LUZP2: variants seen among roughly 807,000 people sequenced by gnomAD.
LUZP2 encodes the protein leucine zipper protein 2.
LUZP2 carries 52 observed loss-of-function variants against 51.6 expected under a neutral mutation model. The ratio of observed to expected loss-of-function variants is 1.01; its 90% CI spans 0.81 to 1.27. The LOEUF is 1.27. LUZP2 is among the 50% of genes most tolerant of loss of function. The pLI is 0.00. For missense variants in LUZP2, 436 were observed against 395.4 expected (o/e 1.10, Z -0.87); for synonymous variants, 154 against 137.3 (o/e 1.12, Z -0.85).
chr11:24,510,292 C>A (rs1850271061), intron 1 of LUZP2, among the ~76,000 whole-genome samples: 1 of 152,146 alleles, frequency 6.6e-6, no homozygotes, highest in Non-Finnish European at 1.5e-5. Context: ...GAAGATGAAG[C>A]CACAGGTACC....
chr11:24,921,892 A>G (rs1454094987), intron 7 of LUZP2, among the ~76,000 whole-genome samples: 1 of 152,046 alleles, frequency 6.6e-6, no homozygotes, highest in Non-Finnish European at 1.5e-5. Flanking sequence ...GTGTCACTTC[A>G]TTTGACCCTC....
chr11:25,074,987 C>A (rs576137776), intron 10 of LUZP2, among the ~76,000 whole-genome samples: 28 of 152,288 alleles, frequency 1.8e-4, no homozygotes, highest in Non-Finnish European at 1.8e-4. Flanking sequence ...CTACACTATG[C>A]AAATTACTTT....
At chr11:24,603,094 G>T (rs548500374) in intron 1 of LUZP2, among the ~76,000 whole-genome samples, 1 of 151,768 alleles carries the variant, frequency 6.6e-6, no homozygotes, top group South Asian at 2.1e-4. Flanking sequence ...GCACATTCAG[G>T]TCCCAACAGT....
intron 10 of LUZP2, among the ~76,000 whole-genome samples, chr11:25,067,483 G>C (rs1859030821): frequency 6.6e-6 from 1 of 151,856 alleles, no homozygotes; most frequent in African/African-American, 2.4e-5. Flanking sequence ...GTATGGCCTT[G>C]GTTTTCTTCT....
chr11:24,913,979 T>A (rs1157321091), intron 6 of LUZP2, among the ~76,000 whole-genome samples: 2 of 152,160 alleles, frequency 1.3e-5, no homozygotes, highest in Non-Finnish European at 2.9e-5. Flanking sequence ...TGTATTGCTC[T>A]AAAATGCAAA....
intron 1 of LUZP2, among the ~76,000 whole-genome samples, chr11:24,649,716 G>T (rs1855567537): frequency 6.6e-6 from 1 of 151,778 alleles, no homozygotes; most frequent in Admixed American, 6.6e-5. Context: ...GCCAGGTGGT[G>T]GGACTGCAAT....
chr11:24,533,835 A>G (rs1218420274), intron 1 of LUZP2, among the ~76,000 whole-genome samples: 1 of 151,154 alleles, frequency 6.6e-6, no homozygotes, highest in African/African-American at 2.4e-5. Flanking sequence ...TTCTCTGCTG[A>G]ATATTAGGGT....
At chr11:24,528,101 A>G (rs1232377206) in intron 1 of LUZP2, among the ~76,000 whole-genome samples, 1 of 151,252 alleles carries the variant, frequency 6.6e-6, no homozygotes, top group Non-Finnish European at 1.5e-5. Flanking sequence ...GATGAAGCAT[A>G]AGAGTTCCCT....
chr11:24,548,353 T>C (rs1851623284), intron 1 of LUZP2, among the ~76,000 whole-genome samples: 1 of 152,092 alleles, frequency 6.6e-6, no homozygotes, highest in Non-Finnish European at 1.5e-5. Context: ...ATATATACCA[T>C]GGAATACTAT....
intron 5 of LUZP2, among the ~76,000 whole-genome samples, chr11:24,889,195 T>C (rs902947762): frequency 6.6e-6 from 1 of 152,188 alleles, no homozygotes; most frequent in African/African-American, 2.4e-5. Flanking sequence ...TTGAATGTTC[T>C]TCCTTGCTGT....
intron 1 of LUZP2, among the ~76,000 whole-genome samples, chr11:24,720,294 A>G (rs991440923): frequency 5.3e-5 from 8 of 152,196 alleles, no homozygotes; most frequent in African/African-American, 1.9e-4. Context: ...CAAAACTTAG[A>G]TACCAAGCTT....
At chr11:24,738,713 C>T (rs1346239024) in intron 4 of LUZP2, among the ~76,000 whole-genome samples, 3 of 151,992 alleles carry the variant, frequency 2.0e-5, no homozygotes, top group African/African-American at 4.8e-5. Context: ...CTATTTAATC[C>T]ATCCCACGGG....
intron 9 of LUZP2, among the ~76,000 whole-genome samples, chr11:25,040,008 G>T (rs1456770502): frequency 6.6e-6 from 1 of 152,010 alleles, no homozygotes; most frequent in Non-Finnish European, 1.5e-5. Context: ...AGGATCATGG[G>T]TGGACCACCC....
chr11:24,825,213 T>A (rs559004068), intron 5 of LUZP2, among the ~76,000 whole-genome samples: 27 of 152,204 alleles, frequency 1.8e-4, no homozygotes, highest in Non-Finnish European at 3.8e-4. Flanking sequence ...TTCCATGAAC[T>A]GTCTGTTAAA....
Position 25,044,289 on chromosome 11 carries a change from A to G in LUZP2, c.766-5749A>G, listed in dbSNP as rs1858220380. 2.2e-5 allele frequency among the ~76,000 whole-genome samples: 3 copies of G among 136,322 alleles called. No homozygotes were observed. In the South Asian group the frequency reaches 6.7e-4, roughly 31 times the overall value. 89.4% of individuals were successfully genotyped at this position (136,322 alleles called of 152,430 possible). A position where few individuals can be genotyped will look rare whatever the true frequency, so the allele number is the denominator to read the frequency against. ...TATATATATATATATATATATATAT[A>G]TAGTCTGATGCCCATTTTATTTAAA... On this transcript the variant is annotated intron_variant, in intron 9 of 11. Transcript: ENST00000336930.
chr11:24,576,180 A>G (rs1852638987), intron 1 of LUZP2, among the ~76,000 whole-genome samples: 1 of 152,038 alleles, frequency 6.6e-6, no homozygotes, highest in Admixed American at 6.6e-5. Context: ...TGGGATGCAG[A>G]GGCAGGTGGA....
intron 10 of LUZP2, among the ~76,000 whole-genome samples, chr11:25,055,011 C>CTTTTTTTTTTTT (rs71044332): frequency 2.5e-5 from 2 of 79,026 alleles, no homozygotes; most frequent in African/African-American, 4.4e-5. Flanking sequence ...TTTTTCTTTT[C>CTTTTTTTTTTTT]TTTTTTTTTT....
At chr11:24,796,942 T>A (rs148287035) in intron 5 of LUZP2, among the ~76,000 whole-genome samples, 1 of 152,152 alleles carries the variant, frequency 6.6e-6, no homozygotes, top group African/African-American at 2.4e-5. Flanking sequence ...GAGGGCGAGG[T>A]TTGGAGACAA....
intron 9 of LUZP2, among the ~76,000 whole-genome samples, chr11:25,045,121 T>C (rs1273383916): frequency 2.7e-5 from 4 of 150,280 alleles, no homozygotes; most frequent in Admixed American, 2.7e-4. Context: ...GACGAGTTAA[T>C]GGGTGCAGCA....
Sources: allele counts gnomAD v4.1 joint callset (sites outside exome capture counted in the v4.1 genomes callset), GRCh38; gene constraint gnomAD v4.1.1; transcripts MANE v1.5; gene names NCBI Gene and HGNC (gene_info 2026-07-23, HGNC 2026-07-21).